Variants in ZNF44 observed in about 807,000 individuals in gnomAD.
ZNF44 encodes gonadotropin inducible transcription repressor-2.
A neutral mutation model predicts 11.7 loss-of-function variants in ZNF44; 9 were observed. The observed-to-expected ratio is 0.77, with a 90% CI of 0.46 to 1.35. The LOEUF is 1.35. Among genes scored for constraint, ZNF44 ranks in the 40% most tolerant of loss-of-function variants. ZNF44 has a pLI of 0.00. For synonymous variants in ZNF44, 224 were observed against 242.7 expected (o/e 0.92, Z 0.72); for missense variants, 696 against 743.1 (o/e 0.94, Z 0.74).
At chr19:12,248,595 A>G (rs757805633) in exon 8 of ZNF44, 1 of 1,295,898 alleles carries the variant, frequency 7.7e-7, no homozygotes, top group Non-Finnish European at 1.0e-6. Context: ...TTTCTTGTTC[A>G]GACTGAGATT....
At chr19:12,290,188 C>A (rs1967947671) in intron 1 of ZNF44, among the ~76,000 whole-genome samples, 1 of 149,914 alleles carries the variant, frequency 6.7e-6, no homozygotes. Context: ...GAGTTCAAGA[C>A]CAGCCTGACC....
rs1421860164 is a variant in ZNF44 at position 12,275,996 on chromosome 19, T to G, written c.90A>C (p.Arg30Ser). 6.2e-7 allele frequency: 1 copy of G among 1,609,276 alleles called. No homozygotes were observed. The highest frequency in any genetic ancestry group is 1.7e-5 in the Admixed American group (1 of 59,874). Residue 30 changes from arginine to serine, a missense_variant, in exon 2 of 4, where the codon AGA becomes AGC. By Grantham distance (110) the Arg-to-Ser change is moderately radical (BLOSUM62 -1). Coordinates refer to ENST00000355684, the MANE Select transcript of ZNF44 (RefSeq NM_016264.4). ...LLGPSQKNLY[R>S]DVMRETIRNL... Reference sequence around the variant, plus strand: ...TCCTAATGGTTTCTCGCATCACATCTCTGTAGAGATTCTTCTGTGATGGAC... The same window carrying G: ...TCCTAATGGTTTCTCGCATCACATCGCTGTAGAGATTCTTCTGTGATGGAC...
chr19:12,226,990 T>A (rs1381572104), intron 3 of ZNF44, among the ~76,000 whole-genome samples: 1 of 152,022 alleles, frequency 6.6e-6, no homozygotes, highest in African/African-American at 2.4e-5. Context: ...CGCTTGAATG[T>A]AGGAGGAGGC....
chr19:12,268,503 C>T (rs1249827903), downstream of ZNF44, among the ~76,000 whole-genome samples: 1 of 152,090 alleles, frequency 6.6e-6, no homozygotes, highest in Non-Finnish European at 1.5e-5. Flanking sequence ...ATGGATGGCC[C>T]CATTTCATTC....
chr19:12,283,336 T>C (rs1967565834), intron 1 of ZNF44, among the ~76,000 whole-genome samples: 1 of 152,106 alleles, frequency 6.6e-6, no homozygotes, highest in South Asian at 2.1e-4. Context: ...AGAAATTTTT[T>C]TTTCTTTTTG....
At chr19:12,258,405 G>A (rs1472483441) in intron 5 of ZNF44, among the ~76,000 whole-genome samples, 1 of 149,754 alleles carries the variant, frequency 6.7e-6, no homozygotes, top group African/African-American at 2.5e-5. Flanking sequence ...AACCATTAAT[G>A]GTTTTGTATA....
chr19:12,240,962 A>G (rs1230363363), upstream of ZNF44, among the ~76,000 whole-genome samples: 2 of 152,238 alleles, frequency 1.3e-5, no homozygotes, highest in Admixed American at 6.5e-5. Context: ...ACTTTTGTGC[A>G]CCAAAAGACA....
chr19:12,276,260 G>A, intron 1 of ZNF44, 178 bp from the exon 2 acceptor site: 5 of 990,484 alleles, frequency 5.0e-6, no homozygotes, highest in Non-Finnish European at 5.9e-6. Flanking sequence ...TCTGATGCTG[G>A]AATTGGGCTT....
At position 12,294,743 on chromosome 19, in the gene ZNF44, T is replaced by C. The variant is rs1394486536; in HGVS notation, c.-49A>G. ...GTCCTCCCAACTCCCGTAGTCAGGG[T>C]AGGTCCCAGCGCGACAAAAGCCACC... On this transcript the variant is annotated 5_prime_UTR_variant, in exon 1 of 4. Coordinates refer to ENST00000355684, the MANE Select transcript of ZNF44 (RefSeq NM_016264.4). 12 of 1,543,756 alleles carry C rather than the reference T, an allele frequency of 7.8e-6. No individual in the cohort carries two copies. Among genetic ancestry groups the C allele is most frequent in the Non-Finnish European group, 9.6e-6 (11 of 1,144,708 alleles).
chr19:12,236,065 A>G (rs1916375926), intron 1 of ZNF44, among the ~76,000 whole-genome samples: 1 of 152,280 alleles, frequency 6.6e-6, no homozygotes, highest in Non-Finnish European at 1.5e-5. Context: ...GAAAAAAATG[A>G]TAAAGTACTG....
chr19:12,229,020 T>C (rs1916041986), intron 3 of ZNF44, among the ~76,000 whole-genome samples: 1 of 152,202 alleles, frequency 6.6e-6, no homozygotes, highest in Non-Finnish European at 1.5e-5. Flanking sequence ...TACCAGTAAG[T>C]TTTAAAGATT....
At position 12,272,725 on chromosome 19, in the gene ZNF44, G is replaced by A. The variant is rs56056044; in HGVS notation, c.1530C>T (p.Gly510=). 6.2e-7 allele frequency: 1 copy of A among 1,613,538 alleles called. No individual in the cohort carries two copies. Among genetic ancestry groups the A allele is most frequent in the Non-Finnish European group, 8.5e-7 (1 of 1,179,768 alleles). Residue 510 remains glycine (G), a synonymous_variant, in exon 4 of 4, where the codon GGC becomes GGT. Coordinates refer to ENST00000355684, the MANE Select transcript of ZNF44 (RefSeq NM_016264.4). ...EEKSYECQIC[G]KAFSRFSYLK... ...AGTAACTGAAACGACTGAAGGCTTT[G>A]CCACAAATTTGACACTCATAAGATT...
At chr19:12,252,284 TAG>T (rs1555736836) in intron 5 of ZNF44, among the ~76,000 whole-genome samples, 1 of 151,974 alleles carries the variant, frequency 6.6e-6, no homozygotes, top group Non-Finnish European at 1.5e-5. Flanking sequence ...TACGAGAAAG[TAG>T]AGTGAAATAT....
At chr19:12,284,400 C>T (rs559763203) in intron 1 of ZNF44, 30 of 622,832 alleles carry the variant, frequency 4.8e-5, no homozygotes, top group African/African-American at 3.8e-4. Context: ...GATGGGGAAC[C>T]GCAGTGGCTT....
chr19:12,260,366 C>T, intron 5 of ZNF44: 1 of 1,223,528 alleles, frequency 8.2e-7, no homozygotes, highest in Non-Finnish European at 1.2e-6. Flanking sequence ...CGCGGACCAC[C>T]ATCAACAAGA....
intron 2 of ZNF44, among the ~76,000 whole-genome samples, chr19:12,234,438 T>C (rs1916296352): frequency 6.6e-6 from 1 of 152,240 alleles, no homozygotes; most frequent in Non-Finnish European, 1.5e-5. Flanking sequence ...TCTATTGATC[T>C]TTAATGTTCT....
intron 6 of ZNF44, chr19:12,250,240 A>C (rs747384237): frequency 1.5e-6 from 2 of 1,358,102 alleles, no homozygotes. Flanking sequence ...TTTCATTTTT[A>C]CCTATAGTGG....
At chr19:12,248,613 T>C (rs1409463620) in exon 8 of ZNF44, 1 of 1,302,528 alleles carries the variant, frequency 7.7e-7, no homozygotes, top group Non-Finnish European at 1.0e-6. Context: ...ATTTGCAATC[T>C]GGCTGAAACC....
intron 7 of ZNF44, among the ~76,000 whole-genome samples, chr19:12,249,248 G>A (rs1428437306): frequency 6.6e-6 from 1 of 151,022 alleles, no homozygotes; most frequent in African/African-American, 2.4e-5. Flanking sequence ...GCTCACACCT[G>A]TAATCCCAGC....
Sources: allele counts gnomAD v4.1 joint callset (sites outside exome capture counted in the v4.1 genomes callset), GRCh38; gene constraint gnomAD v4.1.1; transcripts MANE v1.5; gene names NCBI Gene and HGNC (gene_info 2026-07-23, HGNC 2026-07-21).